Variants in USP7 observed in about 807,000 individuals in gnomAD.
USP7 encodes ubiquitin C-terminal hydrolase 7.
Under a neutral mutation model 162.9 loss-of-function variants are expected in USP7, and 9 were observed. The observed-to-expected ratio is 0.06, with a 90% CI of 0.03 to 0.10. USP7 has a LOEUF of 0.10. USP7 is among the 10% of genes least tolerant of loss of function. The probability of loss-of-function intolerance (pLI) is 1.00; values close to 1 mark genes in which losing one functional copy is unlikely to be tolerated. For missense variants in USP7, 715 were observed against 1,373.7 expected (o/e 0.52, Z 7.58); for synonymous variants, 562 against 475.9 (o/e 1.18, Z -2.35).
intron 2 of USP7, chr16:8,929,530 G>A: frequency 2.2e-6 from 1 of 455,962 alleles, no homozygotes; most frequent in Non-Finnish European, 4.4e-6. Flanking sequence ...TCTTTCAACT[G>A]CCCCGTTACT....
At chr16:8,920,524 C>A (rs1897627438) in intron 4 of USP7, 77 bp from the exon 5 acceptor site, 1 of 1,239,032 alleles carries the variant, frequency 8.1e-7, no homozygotes, top group Non-Finnish European at 1.1e-6. Context: ...TACATTAGTG[C>A]CCTGTACTTA....
At chr16:8,896,586 T>G (rs1240660103) in intron 26 of USP7, among the ~76,000 whole-genome samples, 1 of 152,172 alleles carries the variant, frequency 6.6e-6, no homozygotes, top group Non-Finnish European at 1.5e-5. Context: ...AGTGACTCAA[T>G]CTGTCAAATA....
At chr16:8,901,940 A>G in intron 18 of USP7, 142 bp downstream of exon 18, 2 of 719,282 alleles carry the variant, frequency 2.8e-6, no homozygotes, top group East Asian at 5.4e-5. Context: ...TGACTTCATC[A>G]GGAAGTCTAG....
chr16:8,954,875 G>C (rs1462727220), intron 1 of USP7, among the ~76,000 whole-genome samples: 1 of 152,178 alleles, frequency 6.6e-6, no homozygotes, highest in East Asian at 1.9e-4. Context: ...CGGGAGAATG[G>C]TGTGAACCCG....
intron 1 of USP7, among the ~76,000 whole-genome samples, chr16:8,937,099 G>T (rs1409112228): frequency 2.0e-5 from 3 of 152,188 alleles, no homozygotes; most frequent in African/African-American, 7.2e-5. Context: ...AATAATTGAT[G>T]TAAGTGAAAA....
chr16:8,915,614 T>A, intron 8 of USP7, 89 bp from the exon 9 acceptor site: 1 of 1,166,884 alleles, frequency 8.6e-7, no homozygotes, highest in Non-Finnish European at 1.2e-6. Context: ...ATATCAATGT[T>A]CAAAGAAGTT....
rs2061634889 is a variant in USP7, at chr16:8,893,537, G to A, written c.*461C>T. 1 of 160,868 alleles carries A rather than the reference G, an allele frequency of 6.2e-6. No individual in the cohort carries two copies. Among genetic ancestry groups the A allele is most frequent in the Non-Finnish European group, 1.4e-5 (1 of 72,302 alleles). 10.0% of individuals were successfully genotyped at this position (160,868 alleles called of 1,614,324 possible). On this transcript the variant is annotated 3_prime_UTR_variant, in exon 31 of 31. Transcript: ENST00000344836. The stretch of plus-strand genomic sequence containing the variant: ...ATTAGGTTGTGAGTTTCTCTGTTTT[G>A]CCTTAACAGATGCACAAAAGGTCAT...
intron 1 of USP7, among the ~76,000 whole-genome samples, chr16:8,934,354 G>A (rs973758288): frequency 6.6e-6 from 1 of 152,196 alleles, no homozygotes; most frequent in Non-Finnish European, 1.5e-5. Flanking sequence ...TCAGATTAGA[G>A]CTCAAAGAAG....
At chr16:8,896,137 C>CT (rs60467243) in intron 26 of USP7, among the ~76,000 whole-genome samples, 2,627 of 126,076 alleles carry the variant, frequency 0.021, 49 homozygotes, top group East Asian at 0.069. Context: ...CCATGCCCAG[C>CT]TTTTTTTTTT....
At chr16:8,925,389 A>G (rs1332539649) in intron 2 of USP7, among the ~76,000 whole-genome samples, 3 of 152,342 alleles carry the variant, frequency 2.0e-5, no homozygotes, top group South Asian at 2.1e-4. Flanking sequence ...AAATCACTGC[A>G]GGACCTAAAA....
intron 3 of USP7, 127 bp from the exon 4 acceptor site, chr16:8,921,422 G>T: frequency 8.9e-7 from 1 of 1,127,492 alleles, no homozygotes; most frequent in East Asian, 2.6e-5. Context: ...TTTCGGGTTG[G>T]GGTTAAAGGT....
chr16:8,949,833 C>T (rs1417381115), intron 1 of USP7, among the ~76,000 whole-genome samples: 1 of 152,016 alleles, frequency 6.6e-6, no homozygotes, highest in African/African-American at 2.4e-5. Context: ...AGCAAGTATG[C>T]CCTAAGCTGA....
intron 1 of USP7, among the ~76,000 whole-genome samples, chr16:8,959,948 CAG>C (rs1398378840): frequency 6.6e-6 from 1 of 152,154 alleles, no homozygotes; most frequent in African/African-American, 2.4e-5. Flanking sequence ...GACACTGAAA[CAG>C]AGACTGCTCA....
intron 1 of USP7, among the ~76,000 whole-genome samples, chr16:8,961,427 G>A (rs1348547758): frequency 6.8e-6 from 1 of 147,186 alleles, no homozygotes; most frequent in Admixed American, 7.0e-5. Flanking sequence ...GGGAGACGGA[G>A]GTTGTAGTGA....
chr16:8,899,851 A>C lies in USP7; in HGVS notation c.2310-94T>G, dbSNP rs939846217. On this transcript the variant is annotated intron_variant, in intron 21 of 30. Transcript: ENST00000344836. ...TCATCTTTTACACAACAGTGACACC[A>C]ACAGGCTCTCTTGCAAGATAAATTC... The C allele has an allele frequency of 2.1e-6, 3 of 1,405,656 alleles. No homozygotes were observed. In the African/African-American group the frequency reaches 4.3e-5, roughly 20 times the overall value. 87.1% of individuals were successfully genotyped at this position (1,405,656 alleles called of 1,614,324 possible). A position where few individuals can be genotyped will look rare whatever the true frequency, so the allele number is the denominator to read the frequency against.
chr16:8,893,310 AT>A lies in USP7; in HGVS notation c.*687del, dbSNP rs1325369046. 6.6e-6 allele frequency: 1 copy of A among 152,230 alleles called. No homozygotes were observed. Among genetic ancestry groups the A allele is most frequent in the Non-Finnish European group, 1.5e-5 (1 of 68,068 alleles). 9.4% of individuals were successfully genotyped at this position (152,230 alleles called of 1,614,324 possible). A position where few individuals can be genotyped will look rare whatever the true frequency, so the allele number is the denominator to read the frequency against. ...AGGCAGCAGAGTAAACCTTAATTGA[AT>A]TTAACAATGTTCTTGATTTAATAAA... On this transcript the variant is annotated 3_prime_UTR_variant, in exon 31 of 31. Coordinates refer to ENST00000344836, the MANE Select transcript of USP7 (RefSeq NM_003470.3).
intron 5 of USP7, among the ~76,000 whole-genome samples, chr16:8,920,015 C>T (rs562796782): frequency 1.3e-5 from 2 of 152,340 alleles, no homozygotes; most frequent in South Asian, 2.1e-4. Flanking sequence ...AGGACTTCCT[C>T]CCTGCCCTCA....
intron 1 of USP7, among the ~76,000 whole-genome samples, chr16:8,952,088 AT>A (rs1313884816): frequency 6.6e-6 from 1 of 151,762 alleles, no homozygotes; most frequent in African/African-American, 2.4e-5. Flanking sequence ...CCCCCCGTCT[AT>A]ACAAAAAAGA....
At chr16:8,902,053 G>C (rs372527770) in intron 18 of USP7, 29 bp downstream of exon 18, 33 of 1,578,750 alleles carry the variant, frequency 2.1e-5, no homozygotes, top group Non-Finnish European at 2.9e-5. Flanking sequence ...ACTGCTCTAA[G>C]TGCAGGCAGG....
Sources: gnomAD v4.1 joint callset for allele counts (sites outside exome capture counted in the v4.1 genomes callset) on GRCh38, gnomAD v4.1.1 for gene constraint, MANE v1.5 for transcripts, NCBI Gene and HGNC (gene_info 2026-07-23, HGNC 2026-07-21) for gene names.